BAHCC1: variants seen among roughly 807,000 people sequenced by gnomAD.
BAHCC1 encodes the protein BAH domain and coiled-coil containing 1.
A neutral mutation model predicts 88.2 loss-of-function variants in BAHCC1; 43 were observed. The ratio of observed to expected loss-of-function variants is 0.49; its 90% CI spans 0.38 to 0.63. The LOEUF (loss-of-function observed/expected upper bound fraction) is 0.63, where lower values mean the gene tolerates loss of function less well. BAHCC1 is among the 20% of genes least tolerant of loss of function. The probability of loss-of-function intolerance (pLI) is 0.00; values close to 1 mark genes in which losing one functional copy is unlikely to be tolerated. For missense variants in BAHCC1, 3,023 were observed against 1,654.8 expected (o/e 1.83, Z -14.34); for synonymous variants, 1,510 against 745.5 (o/e 2.03, Z -16.71).
chr17:81,426,212 T>A (rs1456285496), intron 2 of BAHCC1, among the ~76,000 whole-genome samples: 1 of 150,604 alleles, frequency 6.6e-6, no homozygotes, highest in Non-Finnish European at 1.5e-5. Flanking sequence ...TTGGTGATGA[T>A]GTGGTTGGTG....
chr17:81,452,591 C>G, intron 13 of BAHCC1, 132 bp from the exon 14 acceptor site: 1 of 544,966 alleles, frequency 1.8e-6, no homozygotes, highest in Non-Finnish European at 3.2e-6. Flanking sequence ...AGGGGTCAGG[C>G]TCCCCAGGCC....
intron 13 of BAHCC1, 119 bp downstream of exon 13, chr17:81,452,226 T>G: frequency 2.0e-6 from 1 of 502,060 alleles, no homozygotes; most frequent in Non-Finnish European, 3.5e-6. Context: ...CCCCTACCTG[T>G]GGGCAGACAC....
At chr17:81,408,224 G>A (rs987725356) in intron 2 of BAHCC1, among the ~76,000 whole-genome samples, 2 of 152,170 alleles carry the variant, frequency 1.3e-5, no homozygotes. Context: ...CGAATGCCTC[G>A]GGGCCAGGTC....
At chr17:81,417,555 A>ACCCCCCCCCCCCCCCC (rs58215427) in intron 2 of BAHCC1, among the ~76,000 whole-genome samples, 1 of 131,488 alleles carries the variant, frequency 7.6e-6, no homozygotes, top group African/African-American at 3.1e-5. Flanking sequence ...AGCGTCGGCC[A>ACCCCCCCCCCCCCCCC]CCCCCCCCCC....
intron 2 of BAHCC1, among the ~76,000 whole-genome samples, chr17:81,414,209 A>C (rs1363564916): frequency 6.6e-6 from 1 of 152,028 alleles, no homozygotes; most frequent in East Asian, 1.9e-4. Context: ...CCATGGCAGG[A>C]CCTGTGCTGG....
intron 4 of BAHCC1, among the ~76,000 whole-genome samples, 151 bp from the exon 5 acceptor site, chr17:81,441,668 CAAAAAAAAAAAA>C (rs11333301): frequency 1.1e-5 from 1 of 91,638 alleles, no homozygotes; most frequent in Middle Eastern, 5.6e-3. Context: ...GACTCCGTCT[CAAAAAAAAAAAA>C]AAAAAAAAAA....
At chr17:81,459,643 C>CT in intron 23 of BAHCC1, 39 bp downstream of exon 23, 1 of 778,348 alleles carries the variant, frequency 1.3e-6, no homozygotes, top group African/African-American at 1.7e-5. Context: ...GCAGGCCCCT[C>CT]TGAGACCCAC....
intron 2 of BAHCC1, among the ~76,000 whole-genome samples, chr17:81,420,786 G>A (rs921075870): frequency 6.6e-6 from 1 of 152,250 alleles, no homozygotes; most frequent in Non-Finnish European, 1.5e-5. Context: ...ACCGCATCCC[G>A]CTTACTGTCC....
Position 81,425,159 on chromosome 17 carries a change from G to A in BAHCC1, c.179-1641G>A, listed in dbSNP as rs548618550. Among the ~76,000 whole-genome samples, 4 of 56,088 alleles carry A rather than the reference G, an allele frequency of 7.1e-5. No homozygotes were observed. The South Asian group carries it at 2.5e-3, about 35-fold the overall frequency. The allele number at this position is 56,088 out of a possible 152,430, so 36.8% of individuals were successfully genotyped here. ...GTGATGTGGTTGGGGGTGATGGTGG[G>A]TGTTGTGGTTGGTGGTGATAGTGGT... On this transcript the variant is annotated intron_variant, in intron 2 of 27. Coordinates refer to ENST00000675386, the MANE Select transcript of BAHCC1 (RefSeq NM_001377448.1).
intron 1 of BAHCC1, among the ~76,000 whole-genome samples, chr17:81,397,448 C>T (rs2063757828): frequency 6.6e-6 from 1 of 152,178 alleles, no homozygotes. Flanking sequence ...ACACGACTCC[C>T]TGGAGGCCGC....
chr17:81,460,171 C>G, intron 23 of BAHCC1, 106 bp from the exon 24 acceptor site: 1 of 665,460 alleles, frequency 1.5e-6, no homozygotes, highest in Non-Finnish European at 2.8e-6. Flanking sequence ...GGAGCAGAAC[C>G]CCAGAGCCCT....
chr17:81,461,374 C>T lies in BAHCC1; in HGVS notation c.6711C>T (p.Leu2237=), dbSNP rs782500237. The T allele has an allele frequency of 2.8e-6, 2 of 721,702 alleles. No individual in the cohort carries two copies. Among genetic ancestry groups the T allele is most frequent in the African/African-American group, 1.7e-5 (1 of 58,030 alleles). The allele number at this position is 721,702 out of a possible 1,614,324, so 44.7% of individuals were successfully genotyped here. A position where few individuals can be genotyped will look rare whatever the true frequency, so the allele number is the denominator to read the frequency against. Residue 2237 remains leucine, a synonymous_variant, in exon 26 of 28, where the codon CTC becomes CTT. Transcript: ENST00000675386. ...GGGACAAGGACTTCAGCCCCAAGCTCGGGCGGCCCCTGCCCAGCCCCAGCT... is the reference window on the plus strand; with the variant it reads ...GGGACAAGGACTTCAGCCCCAAGCTTGGGCGGCCCCTGCCCAGCCCCAGCT... ...LMGDKDFSPK[L]GRPLPSPSYV... is the part of the protein sequence containing the mutation.
At chr17:81,426,629 T>C (rs2064203432) in intron 2 of BAHCC1, among the ~76,000 whole-genome samples, 171 bp from the exon 3 acceptor site, 1 of 151,814 alleles carries the variant, frequency 6.6e-6, no homozygotes, top group African/African-American at 2.4e-5. Flanking sequence ...CAAAGGCATA[T>C]GGGGGTAACC....
intron 2 of BAHCC1, among the ~76,000 whole-genome samples, chr17:81,408,010 G>T (rs1016721161): frequency 1.3e-5 from 2 of 152,140 alleles, no homozygotes; most frequent in Admixed American, 1.3e-4. Flanking sequence ...CTGGCCACCT[G>T]CAGGAGGGAG....
rs1466464886 is a variant in BAHCC1 at position 81,461,545 on chromosome 17, C to G, written c.6882C>G (p.Asp2294Glu). 2.8e-6 allele frequency: 2 copies of G among 725,568 alleles called. No homozygotes were observed. Among genetic ancestry groups the G allele is most frequent in the African/African-American group, 1.7e-5 (1 of 57,782 alleles). 44.9% of individuals were successfully genotyped at this position (725,568 alleles called of 1,614,324 possible). ...GCGACTGCCACAGCTCCTTCTCGGA[C>G]GAGGACGAGGACGGGCCGGGGCTGG... is the stretch of plus-strand genomic sequence containing the variant. ...YDSDCHSSFS[D>E]EDEDGPGLAA... Residue 2294 changes from aspartate to glutamate, a missense_variant, in exon 26 of 28, where the codon GAC (aspartate) becomes GAG (glutamate). Physicochemically the swap from Asp to Glu is conservative, Grantham distance 45. Coordinates refer to ENST00000675386, the MANE Select transcript of BAHCC1 (RefSeq NM_001377448.1).
chr17:81,455,324 C>A lies in BAHCC1; in HGVS notation c.4503C>A (p.Gly1501=). The A allele has an allele frequency of 1.4e-6, 1 of 717,168 alleles. No individual in the cohort carries two copies. The highest frequency in any genetic ancestry group is 1.5e-5 in the South Asian group (1 of 67,620). The allele number at this position is 717,168 out of a possible 1,614,324, so 44.4% of individuals were successfully genotyped here. A position where few individuals can be genotyped will look rare whatever the true frequency, so the allele number is the denominator to read the frequency against. The change falls in exon 15 of 28, where the codon GGC becomes GGA. Residue 1501 remains glycine (G), a synonymous_variant. Coordinates refer to ENST00000675386, the MANE Select transcript of BAHCC1 (RefSeq NM_001377448.1). The part of the protein sequence containing the change: ...LCAELRGGSG[G]EPAKKRSKLE... The stretch of plus-strand genomic sequence containing the variant: ...CGGAGCTGCGAGGAGGCAGTGGGGG[C>A]GAGCCTGCGAAGAAGCGAAGCAAGC...
At chr17:81,440,061 G>T (rs1481491151) in intron 4 of BAHCC1, among the ~76,000 whole-genome samples, 1 of 152,160 alleles carries the variant, frequency 6.6e-6, no homozygotes, top group Non-Finnish European at 1.5e-5. Context: ...CTCACCACCA[G>T]CCCCACCCAG....
chr17:81,399,853 G>GC lies in BAHCC1; in HGVS notation c.120dup (p.Ala41ArgfsTer59). On this transcript the variant is annotated frameshift_variant, in exon 2 of 28. Coordinates refer to ENST00000675386, the MANE Select transcript of BAHCC1 (RefSeq NM_001377448.1). LOFTEE classifies it high-confidence loss of function. The surrounding 1 kb of genome is among the most constrained non-coding windows in gnomAD (Gnocchi z 4.5). ...TCGCCCCGGCTGGGCCCGCCGCGCA[G>GC]CCCCCCGCACACTTCCAGCCGGGAA... 24 of 1,400,282 alleles carry GC rather than the reference G, an allele frequency of 1.7e-5. No homozygotes were observed. Among genetic ancestry groups the GC allele is most frequent in the South Asian group, 1.4e-4 (9 of 65,828 alleles). 86.7% of individuals were successfully genotyped at this position (1,400,282 alleles called of 1,614,324 possible). A position where few individuals can be genotyped will look rare whatever the true frequency, so the allele number is the denominator to read the frequency against.
chr17:81,452,651 G>A, intron 13 of BAHCC1, 72 bp from the exon 14 acceptor site: 1 of 635,002 alleles, frequency 1.6e-6, no homozygotes, highest in Admixed American at 3.0e-5. Flanking sequence ...GAAGGCCAAT[G>A]CCCTCGGCTG....
Sources: allele counts gnomAD v4.1 joint callset (sites outside exome capture counted in the v4.1 genomes callset), GRCh38; gene constraint gnomAD v4.1.1; non-coding constraint Gnocchi (gnomAD v3.1); transcripts MANE v1.5; gene names NCBI Gene and HGNC (gene_info 2026-07-23, HGNC 2026-07-21).